KIF14: variants seen among roughly 807,000 people sequenced by gnomAD.
The protein encoded by KIF14 is kinesin family member 14, also known as kinesin-like protein KIF14.
KIF14 carries 98 observed loss-of-function variants against 176.2 expected under a neutral mutation model. That is an observed-to-expected ratio of 0.56 (90% CI 0.47 to 0.66). The LOEUF is 0.66. Among genes scored for constraint, KIF14 ranks in the 30% least tolerant of loss-of-function variants. The pLI, the probability that KIF14 is intolerant of heterozygous loss-of-function variation, is 0.00. For missense variants in KIF14, 1,751 were observed against 1,920.4 expected (o/e 0.91, Z 1.65); for synonymous variants, 566 against 632.2 (o/e 0.90, Z 1.57).
At chr1:200,606,191 T>G (rs1164700268) in intron 6 of KIF14, among the ~76,000 whole-genome samples, 1 of 152,170 alleles carries the variant, frequency 6.6e-6, no homozygotes, top group Non-Finnish European at 1.5e-5. Context: ...TTAACACATA[T>G]GTATATGCAT....
rs372658595 is a variant in KIF14, at chr1:200,600,318, C to A, written c.2300+38G>T. ...CCCTGCCATTCCTATGATTCCAGAGCAACACACTTAACATTTAGAGTACTG... is the reference window on the plus strand; with the variant it reads ...CCCTGCCATTCCTATGATTCCAGAGAAACACACTTAACATTTAGAGTACTG... On this transcript the variant is annotated intron_variant, in intron 12 of 29. Transcript: ENST00000367350. 3.1e-6 allele frequency: 5 copies of A among 1,601,048 alleles called. No homozygotes were observed. In the African/African-American group the frequency reaches 4.0e-5, roughly 13 times the overall value.
At chr1:200,587,408 T>TAAAAA (rs201973922) in intron 18 of KIF14, among the ~76,000 whole-genome samples, 5 of 141,678 alleles carry the variant, frequency 3.5e-5, no homozygotes, top group South Asian at 4.5e-4. Context: ...GACAAACTGT[T>TAAAAA]AAAAAAAAAA....
rs530700291 is a variant in KIF14 at position 200,605,261 on chromosome 1, C to G, written c.1746+22G>C. On this transcript the variant is annotated intron_variant, in intron 8 of 29. Coordinates refer to ENST00000367350, the MANE Select transcript of KIF14 (RefSeq NM_014875.3). ...CACCAGGGTGAAAACTGAAAGAGATCGGGAACTTTTAAAAAAAATACCTTG... is the reference window on the plus strand; with the variant it reads ...CACCAGGGTGAAAACTGAAAGAGATGGGGAACTTTTAAAAAAAATACCTTG... 1.9e-6 allele frequency: 3 copies of G among 1,578,168 alleles called. No individual in the cohort carries two copies. In the East Asian group the frequency reaches 6.7e-5, roughly 35 times the overall value.
intron 5 of KIF14, among the ~76,000 whole-genome samples, chr1:200,607,466 T>C (rs1659938306): frequency 6.6e-6 from 1 of 152,172 alleles, no homozygotes; most frequent in Non-Finnish European, 1.5e-5. Context: ...AGTAAGACAT[T>C]TGAATGTTAA....
In KIF14 at chr1:200,603,843, A is replaced by T; in HGVS notation, c.1859T>A (p.Leu620Gln). 1 of 1,574,740 alleles carries T rather than the reference A, an allele frequency of 6.4e-7. No individual in the cohort carries two copies. Among genetic ancestry groups the T allele is most frequent in the Non-Finnish European group, 8.7e-7 (1 of 1,144,626 alleles). ...GAGAAAAAGCATTCCATTTACCTTT[A>T]GTCGATCTCCATTAGTGTGAGCCGT... is the stretch of plus-strand genomic sequence containing the variant. ...CSTAHTNGDRLKEGVSINKSL... is the reference protein window; with the variant it reads ...CSTAHTNGDRQKEGVSINKSL... The change falls in exon 9 of 30, where the codon CTA (leucine) becomes CAA (glutamine). Residue 620 changes from leucine to glutamine, a missense_variant. Transcript: ENST00000367350.
intron 19 of KIF14, among the ~76,000 whole-genome samples, chr1:200,584,938 T>C (rs919880401): frequency 2.0e-5 from 3 of 152,198 alleles, no homozygotes; most frequent in African/African-American, 7.2e-5. Context: ...TGATCTTATA[T>C]ATAGAAAACT....
chr1:200,608,367 CTTT>C (rs200778779), intron 5 of KIF14, among the ~76,000 whole-genome samples: 2 of 141,086 alleles, frequency 1.4e-5, no homozygotes, highest in Non-Finnish European at 1.5e-5. Flanking sequence ...CGCTTCTTTT[CTTT>C]TTTTTTTTTT....
intron 5 of KIF14, 129 bp downstream of exon 5, chr1:200,608,701 T>C (rs1558088562): frequency 1.6e-6 from 1 of 622,798 alleles, no homozygotes; most frequent in African/African-American, 1.9e-5. Flanking sequence ...AATTGGACTG[T>C]AGATCCAAGC....
intron 4 of KIF14, among the ~76,000 whole-genome samples, chr1:200,611,086 G>C (rs1467202745): frequency 6.6e-6 from 1 of 152,198 alleles, no homozygotes; most frequent in African/African-American, 2.4e-5. Flanking sequence ...ATACAGTGTA[G>C]AGGCCAAAAA....
At chr1:200,611,004 T>G (rs1660130780) in intron 4 of KIF14, among the ~76,000 whole-genome samples, 1 of 152,122 alleles carries the variant, frequency 6.6e-6, no homozygotes, top group African/African-American at 2.4e-5. Flanking sequence ...AATCAACAAT[T>G]CTTCCTGATT....
chr1:200,553,886 A>G (rs1656692337), intron 29 of KIF14, 119 bp from the exon 30 acceptor site: 1 of 995,344 alleles, frequency 1.0e-6, no homozygotes, highest in Non-Finnish European at 1.5e-6. Flanking sequence ...AACAATTCCA[A>G]ACTACTTAAG....
intron 5 of KIF14, among the ~76,000 whole-genome samples, chr1:200,607,407 G>A (rs1286843338): frequency 3.9e-5 from 6 of 152,122 alleles, no homozygotes; most frequent in African/African-American, 1.4e-4. Context: ...CCAAAGTACT[G>A]GGATTGCAGG....
intron 4 of KIF14, among the ~76,000 whole-genome samples, chr1:200,613,613 G>A (rs1571569339): frequency 6.7e-6 from 1 of 150,268 alleles, no homozygotes; most frequent in South Asian, 2.1e-4. Flanking sequence ...TGGAGGAAAA[G>A]CATGAAAATT....
intron 13 of KIF14, among the ~76,000 whole-genome samples, chr1:200,599,667 C>T (rs974395037): frequency 2.6e-5 from 4 of 152,192 alleles, no homozygotes; most frequent in African/African-American, 9.7e-5. Context: ...AATCACATTG[C>T]ATTTCAGTCT....
chr1:200,573,239 T>G (rs917916452), intron 22 of KIF14, among the ~76,000 whole-genome samples: 5 of 152,010 alleles, frequency 3.3e-5, no homozygotes, highest in South Asian at 2.1e-4. Flanking sequence ...CCCTGTAAAG[T>G]AGGTATATAT....
chr1:200,553,774 G>A lies in KIF14; in HGVS notation c.4568-7C>T. Reference sequence around the variant, plus strand: ...TTTATATCACTATGGCATCCTATATGCAAGAGAGGAGGGAAAAGTTAATTA... The same window carrying A: ...TTTATATCACTATGGCATCCTATATACAAGAGAGGAGGGAAAAGTTAATTA... On this transcript the variant is annotated splice_region_variant and splice_polypyrimidine_tract_variant and intron_variant, in intron 29 of 29. Transcript: ENST00000367350. 6.4e-7 allele frequency: 1 copy of A among 1,572,564 alleles called. No individual in the cohort carries two copies. Among genetic ancestry groups the A allele is most frequent in the Non-Finnish European group, 8.6e-7 (1 of 1,158,338 alleles).
chr1:200,580,539 G>A (rs958210200), intron 20 of KIF14, among the ~76,000 whole-genome samples, 156 bp from the exon 21 acceptor site: 7 of 151,650 alleles, frequency 4.6e-5, no homozygotes, highest in Non-Finnish European at 8.8e-5. Flanking sequence ...AATCATATAA[G>A]TATAAAACAT....
chr1:200,562,854 T>G (rs1024803478), intron 25 of KIF14, among the ~76,000 whole-genome samples: 4 of 152,124 alleles, frequency 2.6e-5, no homozygotes, highest in Admixed American at 1.3e-4. Flanking sequence ...CCATATGAAT[T>G]TATAATTAAT....
In KIF14 at chr1:200,553,648, C is replaced by A; in HGVS notation, c.4687G>T (p.Val1563Leu). ...STSVGSYESR[V>L]THIVHQELES... ...AGTTCCTGGTGGACAATGTGAGTTACTCTACTCTCATAGCTGCCAACAGAA... is the reference window on the plus strand; with the variant it reads ...AGTTCCTGGTGGACAATGTGAGTTAATCTACTCTCATAGCTGCCAACAGAA... Residue 1563 changes from valine (V) to leucine (L), a missense_variant, in exon 30 of 30, where the codon GTA becomes TTA. By Grantham distance (32) the Val-to-Leu change is conservative. Transcript: ENST00000367350. The A allele has an allele frequency of 1.9e-6, 3 of 1,614,070 alleles. No homozygotes were observed. The highest frequency in any genetic ancestry group is 2.5e-6 in the Non-Finnish European group (3 of 1,179,986).
Sources: allele counts gnomAD v4.1 joint callset (sites outside exome capture counted in the v4.1 genomes callset), GRCh38; gene constraint gnomAD v4.1.1; transcripts MANE v1.5; gene names NCBI Gene and HGNC (gene_info 2026-07-23, HGNC 2026-07-21).